The following OXCT1 variants were observed in gnomAD, a reference collection of about 807,000 sequenced individuals.
OXCT1 encodes succinyl-CoA:3-ketoacid coenzyme A transferase 1, mitochondrial.
Under a neutral mutation model 69.6 loss-of-function variants are expected in OXCT1, and 27 were observed. The observed-to-expected ratio is 0.39, with a 90% confidence interval of 0.29 to 0.54. The LOEUF (loss-of-function observed/expected upper bound fraction) is 0.54, where lower values mean the gene tolerates loss of function less well. Ranked by LOEUF, OXCT1 falls within the 20% of genes least tolerant of loss-of-function variation. The pLI is 0.72. For missense variants in OXCT1, 437 were observed against 650.2 expected, an observed-to-expected ratio of 0.67 and a Z score of 3.57; for synonymous variants, 202 against 217.8, an observed-to-expected ratio of 0.93 and a Z score of 0.64.
rs773474828 is a variant in OXCT1, at chr5:41,801,088, C to G, written c.1051-18G>C. ...TATGGACCCTGTCAAATACAACATACATTCAATTAGTAAATGAAGATTCTC... is the reference window on the plus strand; with the variant it reads ...TATGGACCCTGTCAAATACAACATAGATTCAATTAGTAAATGAAGATTCTC... On this transcript the variant is annotated intron_variant, in intron 10 of 16. Transcript: ENST00000196371. 1.3e-6 allele frequency: 2 copies of G among 1,580,056 alleles called. No homozygotes were observed. Among genetic ancestry groups the G allele is most frequent in the Non-Finnish European group, 1.7e-6 (2 of 1,149,250 alleles).
intron 5 of OXCT1, among the ~76,000 whole-genome samples, chr5:41,846,645 C>G (rs1050233043): frequency 6.6e-6 from 1 of 152,084 alleles, no homozygotes; most frequent in African/African-American, 2.4e-5. Flanking sequence ...GGGTAGATAC[C>G]CAGTAATGGG....
In OXCT1 at chr5:41,762,069, A is replaced by C; in HGVS notation, c.1338+42T>G. On this transcript the variant is annotated intron_variant, in intron 14 of 16. Transcript: ENST00000196371. The surrounding 1 kb of genome is among the most constrained non-coding windows in gnomAD (Gnocchi z 4.0). ...GGTACACTGGGTTTTGATGTATTGC[A>C]AATTTCCAAAAGCAGTATTTGGGGA... is the stretch of plus-strand genomic sequence containing the variant. The C allele has an allele frequency of 1.4e-6, 2 of 1,381,768 alleles. No homozygotes were observed. Among genetic ancestry groups the C allele is most frequent in the Non-Finnish European group, 2.1e-6 (2 of 967,856 alleles). The allele number at this position is 1,381,768 out of a possible 1,614,324, so 85.6% of individuals were successfully genotyped here. A position where few individuals can be genotyped will look rare whatever the true frequency, so the allele number is the denominator to read the frequency against.
chr5:41,799,015 T>A (rs1203234904), intron 11 of OXCT1, among the ~76,000 whole-genome samples: 2 of 152,202 alleles, frequency 1.3e-5, no homozygotes, highest in African/African-American at 4.8e-5. Context: ...AATGGTATAA[T>A]ACATGTGAAA....
intron 3 of OXCT1, among the ~76,000 whole-genome samples, chr5:41,855,586 G>A (rs1462003712): frequency 6.6e-6 from 1 of 152,078 alleles, no homozygotes; most frequent in Non-Finnish European, 1.5e-5. Flanking sequence ...TCATTCATCT[G>A]AAACTCCGTT....
intron 13 of OXCT1, among the ~76,000 whole-genome samples, chr5:41,769,972 C>G (rs1744805571): frequency 6.6e-6 from 1 of 152,136 alleles, no homozygotes; most frequent in Admixed American, 6.5e-5. Flanking sequence ...GTTGGTCAGG[C>G]TGGTCTCGAA....
Position 41,826,261 on chromosome 5 carries a change from A to G in OXCT1, c.732+14190T>C, listed in dbSNP as rs185079979. On this transcript the variant is annotated intron_variant, in intron 7 of 16. Coordinates refer to ENST00000196371, the MANE Select transcript of OXCT1 (RefSeq NM_000436.4). ...ACAAAATTTAGTTTTTTGATCATGC[A>G]CTAAGATTTTAGGAATCGGAGGCAT... Among the ~76,000 whole-genome samples the G allele has an allele frequency of 5.8e-4, 88 of 152,302 alleles. 1 individual carries two copies. Among genetic ancestry groups the G allele is most frequent in the African/African-American group, 2.1e-3 (86 of 41,568 alleles).
chr5:41,848,475 A>G (rs13158887), intron 5 of OXCT1, among the ~76,000 whole-genome samples: 13,594 of 128,534 alleles, frequency 0.11, 830 homozygotes, highest in Middle Eastern at 0.2. Flanking sequence ...CGCATCGCCA[A>G]GTCAATCCTA....
chr5:41,801,097 A>G, intron 10 of OXCT1, 27 bp from the exon 11 acceptor site: 1 of 1,543,622 alleles, frequency 6.5e-7, no homozygotes. Context: ...ACATTCAATT[A>G]GTAAATGAAG....
chr5:41,830,273 A>T (rs1292295863), intron 7 of OXCT1, among the ~76,000 whole-genome samples: 1 of 152,182 alleles, frequency 6.6e-6, no homozygotes, highest in Non-Finnish European at 1.5e-5. Context: ...CTGCCGAAGG[A>T]CTAAGGATTC....
intron 13 of OXCT1, among the ~76,000 whole-genome samples, chr5:41,783,271 A>T (rs1231110367): frequency 1.3e-5 from 2 of 152,204 alleles, no homozygotes; most frequent in Non-Finnish European, 2.9e-5. Context: ...GATGATCTCT[A>T]AACCAAAAGA....
chr5:41,845,910 T>A (rs934722037), intron 5 of OXCT1, among the ~76,000 whole-genome samples: 7 of 152,216 alleles, frequency 4.6e-5, no homozygotes, highest in African/African-American at 1.4e-4. Flanking sequence ...TCTTAAAATA[T>A]TTTAATGTAA....
At chr5:41,786,425 G>T (rs928592455) in intron 13 of OXCT1, among the ~76,000 whole-genome samples, 1 of 152,142 alleles carries the variant, frequency 6.6e-6, no homozygotes, top group Non-Finnish European at 1.5e-5. Context: ...AAGAGGAGGG[G>T]AGTAGAGAAA....
chr5:41,838,591 G>A (rs559189102), intron 7 of OXCT1, among the ~76,000 whole-genome samples: 4 of 151,350 alleles, frequency 2.6e-5, no homozygotes, highest in South Asian at 2.1e-4. Flanking sequence ...CTTGATATGG[G>A]ACTAGTATAA....
At chr5:41,763,302 A>C (rs549895079) in intron 13 of OXCT1, among the ~76,000 whole-genome samples, 8 of 152,268 alleles carry the variant, frequency 5.3e-5, no homozygotes, top group African/African-American at 1.9e-4. Context: ...GATAGATGGC[A>C]GCTGGCAACA....
chr5:41,765,721 C>A (rs2112115809), intron 13 of OXCT1, among the ~76,000 whole-genome samples: 1 of 152,240 alleles, frequency 6.6e-6, no homozygotes, highest in Non-Finnish European at 1.5e-5. Flanking sequence ...AGATGTCCAA[C>A]ACACTGCTTG....
chr5:41,838,413 G>A (rs186018533), intron 7 of OXCT1, among the ~76,000 whole-genome samples: 1 of 152,216 alleles, frequency 6.6e-6, no homozygotes, highest in Admixed American at 6.5e-5. Context: ...TCAGGGGTAG[G>A]CTTACAATAA....
At chr5:41,771,094 CA>C (rs916503213) in intron 13 of OXCT1, among the ~76,000 whole-genome samples, 4 of 152,148 alleles carry the variant, frequency 2.6e-5, no homozygotes, top group African/African-American at 9.7e-5. Context: ...GAAAATGTCA[CA>C]AATGTAATAG....
At chr5:41,792,616 G>A (rs1177588872) in intron 13 of OXCT1, among the ~76,000 whole-genome samples, 2 of 152,262 alleles carry the variant, frequency 1.3e-5, no homozygotes, top group South Asian at 2.1e-4. Flanking sequence ...CTCACTGTAC[G>A]ATGCTCAGGA....
intron 3 of OXCT1, among the ~76,000 whole-genome samples, chr5:41,859,392 C>T (rs1749612893): frequency 6.6e-6 from 1 of 152,024 alleles, no homozygotes. Flanking sequence ...TCTCAAACTG[C>T]AAAAGTTATA....
Sources: allele counts gnomAD v4.1 joint callset (sites outside exome capture counted in the v4.1 genomes callset), GRCh38; gene constraint gnomAD v4.1.1; non-coding constraint Gnocchi (gnomAD v3.1); transcripts MANE v1.5; gene names NCBI Gene and HGNC (gene_info 2026-07-23, HGNC 2026-07-21).